CACNA2D3: variants seen among roughly 807,000 people sequenced by gnomAD.
The protein encoded by CACNA2D3 is calcium voltage-gated channel auxiliary subunit alpha2delta 3, also known as voltage-dependent calcium channel subunit alpha-2/delta-3.
CACNA2D3 carries 60 observed loss-of-function variants against 160.6 expected under a neutral mutation model. The observed-to-expected ratio is 0.37, with a 90% CI of 0.30 to 0.46. The LOEUF is 0.46. CACNA2D3 is among the 20% of genes least tolerant of loss of function. The pLI is 1.00. For synonymous variants in CACNA2D3, 558 were observed against 492.9 expected (o/e 1.13, Z -1.75); for missense variants, 1,205 against 1,365.0 (o/e 0.88, Z 1.85).
At chr3:54,420,171 G>A (rs71301884) in intron 4 of CACNA2D3, among the ~76,000 whole-genome samples, 3,339 of 151,864 alleles carry the variant, frequency 0.022, 65 homozygotes, top group Non-Finnish European at 0.032. Flanking sequence ...TGCACCCTCC[G>A]CCTCCTGAGT....
At chr3:54,818,256 C>A (rs544606539) in intron 14 of CACNA2D3, among the ~76,000 whole-genome samples, 34 of 152,334 alleles carry the variant, frequency 2.2e-4, no homozygotes, top group African/African-American at 7.2e-4. Context: ...ACAATCTCGG[C>A]TCACGCAATC....
chr3:54,672,967 G>C (rs1700185879), intron 11 of CACNA2D3, among the ~76,000 whole-genome samples: 1 of 152,226 alleles, frequency 6.6e-6, no homozygotes, highest in Admixed American at 6.5e-5. Flanking sequence ...GTGGAAGCCA[G>C]TTTAGGAATG....
chr3:54,665,894 C>G (rs1055970689), intron 11 of CACNA2D3, among the ~76,000 whole-genome samples: 2 of 151,666 alleles, frequency 1.3e-5, no homozygotes, highest in Admixed American at 6.6e-5. Context: ...CTCAACCTCT[C>G]AGGTTCAAGC....
chr3:54,678,585 G>A (rs181023761), intron 11 of CACNA2D3, among the ~76,000 whole-genome samples: 1 of 151,942 alleles, frequency 6.6e-6, no homozygotes, highest in Non-Finnish European at 1.5e-5. Flanking sequence ...GCCGGGCATG[G>A]TGGTGCGCGC....
chr3:54,822,802 T>TCCTTC lies in CACNA2D3; in HGVS notation c.1398+5933_1398+5934insCTTCC, dbSNP rs781374820. On this transcript the variant is annotated intron_variant, in intron 14 of 37. Coordinates refer to ENST00000474759, the MANE Select transcript of CACNA2D3 (RefSeq NM_018398.3). ...TCTTTCTTTCTTTCCTTTCTTTCTT[T>TCCTTC]CTTTCTTTCTTTCTTTCTTTCTTTC... Among the ~76,000 whole-genome samples, 50 of 92,478 alleles carry TCCTTC rather than the reference T, an allele frequency of 5.4e-4. 1 individual carries two copies. Among genetic ancestry groups the TCCTTC allele is most frequent in the Admixed American group, 2.6e-3 (23 of 8,808 alleles). 60.7% of individuals were successfully genotyped at this position (92,478 alleles called of 152,430 possible).
intron 29 of CACNA2D3, among the ~76,000 whole-genome samples, chr3:54,972,756 G>T (rs1208151357): frequency 1.3e-5 from 2 of 152,214 alleles, no homozygotes; most frequent in Non-Finnish European, 2.9e-5. Flanking sequence ...GGTTGGCCCA[G>T]TCAGAACCTG....
At chr3:54,507,268 T>A (rs1330872900) in intron 5 of CACNA2D3, among the ~76,000 whole-genome samples, 1 of 152,176 alleles carries the variant, frequency 6.6e-6, no homozygotes, top group Non-Finnish European at 1.5e-5. Context: ...TGTCCCTCCT[T>A]TCCTGCTTGT....
At chr3:54,235,319 C>T (rs549260943) in intron 2 of CACNA2D3, among the ~76,000 whole-genome samples, 11 of 152,284 alleles carry the variant, frequency 7.2e-5, no homozygotes, top group East Asian at 3.9e-4. Context: ...TATTGGCTCA[C>T]GGTTCCACAG....
In CACNA2D3 at chr3:54,382,580, C is replaced by T. The variant is rs528240501; in HGVS notation, c.322-4135C>T. 9.2e-5 allele frequency among the ~76,000 whole-genome samples: 14 copies of T among 152,238 alleles called. 1 individual carries two copies. Among genetic ancestry groups the T allele is most frequent in the South Asian group, 4.1e-4 (2 of 4,822 alleles). Reference sequence around the variant, plus strand: ...GGCAGATCACCTGAGGTCAGGAGTTCGAGACCAGCCTAGCCAACATGGTGA... The same window carrying T: ...GGCAGATCACCTGAGGTCAGGAGTTTGAGACCAGCCTAGCCAACATGGTGA... On this transcript the variant is annotated intron_variant, in intron 3 of 37. Transcript: ENST00000474759.
chr3:54,966,519 C>A (rs1702154442), intron 27 of CACNA2D3, among the ~76,000 whole-genome samples: 1 of 152,118 alleles, frequency 6.6e-6, no homozygotes, highest in Non-Finnish European at 1.5e-5. Flanking sequence ...TCATCTGGGA[C>A]ACTTTTAAAA....
chr3:54,832,635 T>C (rs996206353), intron 14 of CACNA2D3, among the ~76,000 whole-genome samples: 7 of 152,218 alleles, frequency 4.6e-5, no homozygotes, highest in African/African-American at 1.7e-4. Context: ...ACACCAGGCA[T>C]TTTCACTTTA....
At chr3:54,870,865 C>T (rs973227668) in intron 17 of CACNA2D3, among the ~76,000 whole-genome samples, 1 of 152,154 alleles carries the variant, frequency 6.6e-6, no homozygotes, top group South Asian at 2.1e-4. Context: ...ATGCTGAGCC[C>T]AGCCCCAGCT....
At chr3:54,397,535 T>G (rs1699378654) in intron 4 of CACNA2D3, among the ~76,000 whole-genome samples, 1 of 143,776 alleles carries the variant, frequency 7.0e-6, no homozygotes, top group Admixed American at 7.0e-5. Flanking sequence ...CTCGTTGGTT[T>G]CAAAGAACAT....
intron 3 of CACNA2D3, among the ~76,000 whole-genome samples, chr3:54,340,878 T>TC (rs1260211266): frequency 6.6e-6 from 1 of 152,098 alleles, no homozygotes; most frequent in East Asian, 1.9e-4. Flanking sequence ...AATCAGAGGG[T>TC]CCCCACACTC....
At chr3:54,321,921 G>GC (rs1421108394) in intron 3 of CACNA2D3, among the ~76,000 whole-genome samples, 4 of 42,758 alleles carry the variant, frequency 9.4e-5, no homozygotes, top group Non-Finnish European at 2.0e-4. Context: ...TGAAATCCTT[G>GC]CAAAAAAAAA....
At chr3:54,990,626 C>T (rs1702718090) in intron 31 of CACNA2D3, among the ~76,000 whole-genome samples, 3 of 152,190 alleles carry the variant, frequency 2.0e-5, no homozygotes, top group Admixed American at 2.0e-4. Flanking sequence ...GAGGAGAGCA[C>T]TACCTCCCTT....
chr3:54,436,478 CAT>C (rs767836074), intron 4 of CACNA2D3, among the ~76,000 whole-genome samples: 1 of 152,168 alleles, frequency 6.6e-6, no homozygotes, highest in Non-Finnish European at 1.5e-5. Context: ...CACATGCACA[CAT>C]ATGTTTATTG....
At chr3:54,601,547 C>A (rs1282381349) in intron 9 of CACNA2D3, among the ~76,000 whole-genome samples, 1 of 152,070 alleles carries the variant, frequency 6.6e-6, no homozygotes, top group Non-Finnish European at 1.5e-5. Flanking sequence ...CCACCCAAAG[C>A]CTGCAGGATC....
intron 3 of CACNA2D3, among the ~76,000 whole-genome samples, chr3:54,370,217 C>T (rs1017982767): frequency 1.3e-5 from 2 of 152,208 alleles, no homozygotes; most frequent in Non-Finnish European, 2.9e-5. Flanking sequence ...CATATTTTAG[C>T]TTCGGATTGA....
Sources: gnomAD v4.1 joint callset for allele counts (sites outside exome capture counted in the v4.1 genomes callset) on GRCh38, gnomAD v4.1.1 for gene constraint, MANE v1.5 for transcripts, NCBI Gene and HGNC (gene_info 2026-07-23, HGNC 2026-07-21) for gene names.